The following PLPPR4 variants were observed in gnomAD, a reference collection of about 807,000 sequenced individuals.
PLPPR4 encodes phospholipid phosphatase-related protein type 4.
A neutral mutation model predicts 56.6 loss-of-function variants in PLPPR4; 24 were observed. The ratio of observed to expected loss-of-function variants is 0.42; its 90% CI spans 0.31 to 0.60. PLPPR4 has a LOEUF of 0.60. PLPPR4 is among the 20% of genes least tolerant of loss of function. The pLI is 0.13. For missense variants in PLPPR4, 654 were observed against 885.8 expected, an observed-to-expected ratio of 0.74 and a Z score of 3.32; for synonymous variants, 326 against 328.1, an observed-to-expected ratio of 0.99 and a Z score of 0.07.
At position 99,273,618 on chromosome 1, in the gene PLPPR4, A is replaced by G. The variant is rs562820207; in HGVS notation, c.78+8947A>G. On this transcript the variant is annotated intron_variant, in intron 1 of 6. Coordinates refer to ENST00000370185, the MANE Select transcript of PLPPR4 (RefSeq NM_014839.5). ...ATAAGGAATGCTAAAATGAAATTCCAGGGTATAACCTGTTTTGTACTCTTA... is the reference window on the plus strand; with the variant it reads ...ATAAGGAATGCTAAAATGAAATTCCGGGGTATAACCTGTTTTGTACTCTTA... Among the ~76,000 whole-genome samples, 6 of 152,250 alleles carry G rather than the reference A, an allele frequency of 3.9e-5. No individual in the cohort carries two copies. In the South Asian group the frequency reaches 8.3e-4, roughly 21 times the overall value.
intron 1 of PLPPR4, among the ~76,000 whole-genome samples, chr1:99,266,900 A>G (rs76297895): frequency 0.026 from 3,970 of 152,354 alleles, 170 homozygotes; most frequent in African/African-American, 0.087. Context: ...AGAATGCACT[A>G]AATTTACATC....
At chr1:99,279,088 T>C (rs890619629) in intron 1 of PLPPR4, among the ~76,000 whole-genome samples, 3 of 152,234 alleles carry the variant, frequency 2.0e-5, no homozygotes, top group Non-Finnish European at 4.4e-5. Context: ...CTCTTCAAAT[T>C]GTCCATGTAT....
At chr1:99,268,451 G>T (rs1013913614) in intron 1 of PLPPR4, among the ~76,000 whole-genome samples, 4 of 152,178 alleles carry the variant, frequency 2.6e-5, no homozygotes, top group Non-Finnish European at 5.9e-5. Context: ...CTGAGGTGTT[G>T]GTGTTCAGCC....
chr1:99,301,196 G>T (rs559486120), intron 5 of PLPPR4, among the ~76,000 whole-genome samples: 1 of 151,870 alleles, frequency 6.6e-6, no homozygotes, highest in Non-Finnish European at 1.5e-5. Flanking sequence ...TATTTATTCT[G>T]GTATCCCTTT....
intron 6 of PLPPR4, 152 bp downstream of exon 6, chr1:99,302,049 A>C: frequency 2.1e-6 from 1 of 481,464 alleles, no homozygotes; most frequent in Non-Finnish European, 3.6e-6. Flanking sequence ...CACATATCTC[A>C]CTTTCAACAA....
chr1:99,263,449 TA>T (rs1197171591), upstream of PLPPR4, among the ~76,000 whole-genome samples: 1 of 152,026 alleles, frequency 6.6e-6, no homozygotes, highest in Non-Finnish European at 1.5e-5. Flanking sequence ...GAGGAGCAAC[TA>T]AAAAAGGGAA....
At chr1:99,297,912 C>G (rs1037151441) in intron 3 of PLPPR4, among the ~76,000 whole-genome samples, 1 of 152,096 alleles carries the variant, frequency 6.6e-6, no homozygotes, top group Non-Finnish European at 1.5e-5. Context: ...TCCATTCTAC[C>G]CTAGAGAACA....
At chr1:99,303,317 G>A (rs1659932790) in intron 6 of PLPPR4, among the ~76,000 whole-genome samples, 1 of 152,154 alleles carries the variant, frequency 6.6e-6, no homozygotes, top group Non-Finnish European at 1.5e-5. Context: ...TTCATTAGCA[G>A]ACCAGGTAAA....
At chr1:99,287,589 T>C (rs1004458777) in intron 1 of PLPPR4, among the ~76,000 whole-genome samples, 11 of 152,206 alleles carry the variant, frequency 7.2e-5, no homozygotes, top group Non-Finnish European at 1.6e-4. Flanking sequence ...CCATTCTGAC[T>C]GGCATGAGGT....
chr1:99,269,410 G>T (rs969223544), intron 1 of PLPPR4, among the ~76,000 whole-genome samples: 1 of 152,200 alleles, frequency 6.6e-6, no homozygotes, highest in Non-Finnish European at 1.5e-5. Flanking sequence ...CTTTATAGTA[G>T]AATGATTTAT....
intron 2 of PLPPR4, among the ~76,000 whole-genome samples, chr1:99,292,605 C>T (rs1355367727): frequency 1.3e-5 from 2 of 152,098 alleles, no homozygotes; most frequent in African/African-American, 4.8e-5. Flanking sequence ...CCCTGATTTC[C>T]CTATATCACT....
intron 1 of PLPPR4, among the ~76,000 whole-genome samples, chr1:99,269,624 A>C (rs150288535): frequency 6.6e-6 from 1 of 152,352 alleles, no homozygotes; most frequent in Admixed American, 6.5e-5. Context: ...AAAAATATAA[A>C]TTCCTAACAT....
At chr1:99,283,370 T>A (rs1253023558) in intron 1 of PLPPR4, among the ~76,000 whole-genome samples, 1 of 152,218 alleles carries the variant, frequency 6.6e-6, no homozygotes, top group African/African-American at 2.4e-5. Flanking sequence ...AAGTAAGCTG[T>A]CTGATCTAGA....
At chr1:99,270,787 C>T (rs1223446894) in intron 1 of PLPPR4, among the ~76,000 whole-genome samples, 1 of 152,124 alleles carries the variant, frequency 6.6e-6, no homozygotes, top group Admixed American at 6.5e-5. Context: ...ATTTTTTTCT[C>T]TTCTCTAGAT....
At chr1:99,271,732 G>T (rs1659063096) in intron 1 of PLPPR4, among the ~76,000 whole-genome samples, 1 of 152,048 alleles carries the variant, frequency 6.6e-6, no homozygotes, top group South Asian at 2.1e-4. Flanking sequence ...TCAGTGGGTG[G>T]GGGTGAGAGG....
rs1174808178 is a variant in PLPPR4 at position 99,300,460 on chromosome 1, G to A, written c.591-449G>A. On this transcript the variant is annotated intron_variant, in intron 4 of 6. Transcript: ENST00000370185. ...TTAACAAAACACATTTAGATCCAAT[G>A]CCATGAGAAAATAACTTCATTTTTT... Among the ~76,000 whole-genome samples, 5 of 152,064 alleles carry A rather than the reference G, an allele frequency of 3.3e-5. No individual in the cohort carries two copies. The South Asian group carries it at 8.3e-4, about 25-fold the overall frequency.
Position 99,301,912 on chromosome 1 carries a change from ATTATC to A in PLPPR4, c.822+20_822+24del. 2 of 1,558,088 alleles carry A rather than the reference ATTATC, an allele frequency of 1.3e-6. No homozygotes were observed. Among genetic ancestry groups the A allele is most frequent in the Non-Finnish European group, 1.7e-6 (2 of 1,145,692 alleles). ...CACTGTACTTGGTAAATAAGTTACTATTATCTTATAAGCCAAAGTTTAAAATGGAA... is the reference window on the plus strand; with the variant it reads ...CACTGTACTTGGTAAATAAGTTACTATTATAAGCCAAAGTTTAAAATGGAA... On this transcript the variant is annotated intron_variant, in intron 6 of 6. Coordinates refer to ENST00000370185, the MANE Select transcript of PLPPR4 (RefSeq NM_014839.5).
chr1:99,271,901 T>TGC (rs1659067361), intron 1 of PLPPR4, among the ~76,000 whole-genome samples: 2 of 53,618 alleles, frequency 3.7e-5, no homozygotes, highest in East Asian at 1.6e-3. Context: ...AGGAGTGAAG[T>TGC]GTGTGTGTGT....
At position 99,307,524 on chromosome 1, in the gene PLPPR4, G is replaced by A. The variant is rs1660061838; in HGVS notation, c.*514G>A. On this transcript the variant is annotated 3_prime_UTR_variant, in exon 7 of 7. Coordinates refer to ENST00000370185, the MANE Select transcript of PLPPR4 (RefSeq NM_014839.5). ...TCAAACTCTATTTAGCTGTGAAATA[G>A]TGGTGTGCAATTCCTTGTTAAAGAA... 6.5e-6 allele frequency: 1 copy of A among 153,674 alleles called. No homozygotes were observed. Among genetic ancestry groups the A allele is most frequent in the Non-Finnish European group, 1.4e-5 (1 of 68,998 alleles). The allele number at this position is 153,674 out of a possible 1,614,324, so 9.5% of individuals were successfully genotyped here. A position where few individuals can be genotyped will look rare whatever the true frequency, so the allele number is the denominator to read the frequency against.
Sources: gnomAD v4.1 joint callset for allele counts (sites outside exome capture counted in the v4.1 genomes callset) on GRCh38, gnomAD v4.1.1 for gene constraint, MANE v1.5 for transcripts, NCBI Gene and HGNC (gene_info 2026-07-23, HGNC 2026-07-21) for gene names.